Variants in TXNDC15 observed in about 807,000 individuals in gnomAD.
TXNDC15 encodes the protein thioredoxin domain-containing protein 15.
A neutral mutation model predicts 35.0 loss-of-function variants in TXNDC15; 24 were observed. That is an observed-to-expected ratio of 0.68 (90% confidence interval 0.50 to 0.96). The LOEUF (loss-of-function observed/expected upper bound fraction) is 0.96, where lower values mean the gene tolerates loss of function less well. TXNDC15 is among the 40% of genes least tolerant of loss of function. The probability of loss-of-function intolerance (pLI) is 0.00; values close to 1 mark genes in which losing one functional copy is unlikely to be tolerated. For missense variants in TXNDC15, 385 were observed against 453.3 expected (o/e 0.85, Z 1.37); for synonymous variants, 169 against 174.0 (o/e 0.97, Z 0.23).
At chr5:134,897,455 G>C (rs1443035698) in intron 4 of TXNDC15, among the ~76,000 whole-genome samples, 1 of 152,038 alleles carries the variant, frequency 6.6e-6, no homozygotes, top group Non-Finnish European at 1.5e-5. Flanking sequence ...CGCCCTGTTG[G>C]CCAGGCTGGT....
intron 1 of TXNDC15, among the ~76,000 whole-genome samples, chr5:134,876,398 C>G (rs961459148): frequency 1.3e-5 from 2 of 152,218 alleles, no homozygotes; most frequent in Non-Finnish European, 2.9e-5. Flanking sequence ...AAGCTGCCCT[C>G]TGTGTTACCC....
At chr5:134,884,398 G>A (rs937665189) in intron 1 of TXNDC15, among the ~76,000 whole-genome samples, 2 of 149,758 alleles carry the variant, frequency 1.3e-5, no homozygotes, top group African/African-American at 4.9e-5. Flanking sequence ...ACAAGCATGC[G>A]CCACCACGCC....
chr5:134,893,407 G>A, intron 2 of TXNDC15, 85 bp from the exon 3 acceptor site: 1 of 1,534,106 alleles, frequency 6.5e-7, no homozygotes, highest in Non-Finnish European at 9.0e-7. Flanking sequence ...TCTCCCTGGA[G>A]CAGCAGTGTG....
chr5:134,897,622 C>T (rs766849432), intron 4 of TXNDC15, among the ~76,000 whole-genome samples: 4 of 152,212 alleles, frequency 2.6e-5, no homozygotes, highest in African/African-American at 9.7e-5. Context: ...TAACTTTTAA[C>T]GCACATTTTT....
Position 134,888,000 on chromosome 5 carries a change from G to C in TXNDC15, c.409G>C (p.Gly137Arg). The change falls in exon 2 of 5, where the codon GGA becomes CGA. Residue 137 changes from glycine to arginine, a missense_variant. Physicochemically the swap from Gly to Arg is moderately radical, Grantham distance 125. Transcript: ENST00000358387. ...GAGCCTTTTCTCTCTGGATGGCGCT[G>C]GAGCACACTTCCCTGACAGAGAAGA... is the stretch of plus-strand genomic sequence containing the variant. ...RESLFSLDGA[G>R]AHFPDREEEY... 1 of 1,614,214 alleles carries C rather than the reference G, an allele frequency of 6.2e-7. No individual in the cohort carries two copies. Among genetic ancestry groups the C allele is most frequent in the Non-Finnish European group, 8.5e-7 (1 of 1,180,040 alleles).
chr5:134,895,911 T>C (rs1367299578), intron 3 of TXNDC15: 1 of 184,674 alleles, frequency 5.4e-6, no homozygotes, highest in Non-Finnish European at 1.1e-5. Context: ...GTTGATCTTT[T>C]TTGAGGGACA....
intron 1 of TXNDC15, among the ~76,000 whole-genome samples, chr5:134,880,443 T>A (rs530682658): frequency 8.1e-4 from 123 of 150,998 alleles, no homozygotes; most frequent in East Asian, 1.7e-3. Context: ...ACTTATTATT[T>A]TTTTTTTTTT....
chr5:134,875,158 C>T (rs1319445801), intron 1 of TXNDC15: 1 of 456,248 alleles, frequency 2.2e-6, no homozygotes, highest in South Asian at 1.5e-5. Context: ...ACGAGAAACA[C>T]GGGAGACTCC....
intron 4 of TXNDC15, 64 bp downstream of exon 4, chr5:134,896,488 G>T: frequency 6.3e-7 from 1 of 1,590,866 alleles, no homozygotes. Flanking sequence ...GCCTTCTGTG[G>T]GTTCTGATCT....
chr5:134,893,698 T>G, intron 3 of TXNDC15, 43 bp downstream of exon 3: 1 of 1,611,502 alleles, frequency 6.2e-7, no homozygotes, highest in Admixed American at 1.7e-5. Context: ...TCCTGGCTGA[T>G]GGTTGCAGTT....
chr5:134,877,834 G>A (rs1750070698), intron 1 of TXNDC15, among the ~76,000 whole-genome samples: 1 of 149,534 alleles, frequency 6.7e-6, no homozygotes, highest in Non-Finnish European at 1.5e-5. Context: ...GAGCAATGGT[G>A]CGATCTTGGC....
intron 1 of TXNDC15, among the ~76,000 whole-genome samples, chr5:134,881,622 A>T (rs1295864576): frequency 1.5e-4 from 20 of 137,048 alleles, no homozygotes; most frequent in Admixed American, 5.9e-4. Context: ...CCGATTTCTC[A>T]ATCTTTTCCC....
At chr5:134,894,074 T>C (rs991420881) in intron 3 of TXNDC15, among the ~76,000 whole-genome samples, 11 of 152,102 alleles carry the variant, frequency 7.2e-5, no homozygotes, top group African/African-American at 2.4e-4. Context: ...ACTCAGGATT[T>C]CTTCCCTTCC....
chr5:134,897,429 A>G (rs1355465375), intron 4 of TXNDC15, among the ~76,000 whole-genome samples: 1 of 151,616 alleles, frequency 6.6e-6, no homozygotes, highest in Non-Finnish European at 1.5e-5. Flanking sequence ...TGTATTTTTT[A>G]GTAGAGACAG....
intron 3 of TXNDC15, among the ~76,000 whole-genome samples, chr5:134,894,373 T>C (rs1042946497): frequency 2.0e-4 from 30 of 149,718 alleles, no homozygotes; most frequent in African/African-American, 6.4e-4. Flanking sequence ...TTTTTTCTTT[T>C]TTTTTTTTTT....
chr5:134,877,762 C>T (rs1750068889), intron 1 of TXNDC15, among the ~76,000 whole-genome samples: 1 of 151,540 alleles, frequency 6.6e-6, no homozygotes, highest in Non-Finnish European at 1.5e-5. Context: ...CATGCGCCAC[C>T]ATGCCTGGCT....
chr5:134,893,554 G>T lies in TXNDC15; in HGVS notation c.654G>T (p.Pro218=). ...SDCTLVLFYT[P]WCRFSASLAP... ...GTACTCTAGTCCTGTTTTACACCCC[G>T]TGGTGCCGCTTTTCTGCCAGTTTGG... The change falls in exon 3 of 5, where the codon CCG becomes CCT. Residue 218 remains proline (P), a synonymous_variant. Transcript: ENST00000358387. 1 of 1,614,130 alleles carries T rather than the reference G, an allele frequency of 6.2e-7. No individual in the cohort carries two copies. The highest frequency in any genetic ancestry group is 8.5e-7 in the Non-Finnish European group (1 of 1,180,036).
rs1312962435 is a variant in TXNDC15, at chr5:134,893,428, T to C, written c.592-64T>C. 3.1e-6 allele frequency: 5 copies of C among 1,598,236 alleles called. No homozygotes were observed. In the African/African-American group the frequency reaches 6.7e-5, roughly 21 times the overall value. On this transcript the variant is annotated intron_variant, in intron 2 of 4. Transcript: ENST00000358387. ...TGGAGCAGCAGTGTGTCCTGTTTCTTGGGTATCCTTTCAGAAAAATGTACT... is the reference window on the plus strand; with the variant it reads ...TGGAGCAGCAGTGTGTCCTGTTTCTCGGGTATCCTTTCAGAAAAATGTACT...
At chr5:134,874,329 GGGGCCGC>G (rs1381542977), upstream of TXNDC15, 1 of 1,032,380 alleles carries the variant, frequency 9.7e-7, no homozygotes, top group Non-Finnish European at 1.3e-6. Flanking sequence ...ATGGCGGCGC[GGGGCCGC>G]GCCCGCGCTC....
Sources: allele counts gnomAD v4.1 joint callset (sites outside exome capture counted in the v4.1 genomes callset), GRCh38; gene constraint gnomAD v4.1.1; transcripts MANE v1.5; gene names NCBI Gene and HGNC (gene_info 2026-07-23, HGNC 2026-07-21).